ADARB2: variants seen among roughly 807,000 people sequenced by gnomAD.
ADARB2 encodes adenosine deaminase RNA specific B2 (inactive), also known as inactive double-stranded RNA-specific editase B2.
ADARB2 carries 25 observed loss-of-function variants against 62.2 expected under a neutral mutation model. That is an observed-to-expected ratio of 0.40 (90% confidence interval 0.29 to 0.56). The LOEUF is 0.56. ADARB2 is among the 20% of genes least tolerant of loss of function. ADARB2 has a pLI of 0.43. For synonymous variants in ADARB2, 572 were observed against 500.8 expected (o/e 1.14, Z -1.90); for missense variants, 1,071 against 1,077.4 (o/e 0.99, Z 0.08).
intron 1 of ADARB2, among the ~76,000 whole-genome samples, chr10:1,471,554 C>T (rs1399962526): frequency 1.3e-5 from 2 of 152,130 alleles, no homozygotes; most frequent in Admixed American, 1.3e-4. Flanking sequence ...CCATGCCTGG[C>T]TAATTTTTTT....
At position 1,434,017 on chromosome 10, in the gene ADARB2, G is replaced by A. The variant is rs191270591; in HGVS notation, c.101-54857C>T. ...TTGAACACATACTATAGAACACGGAGGCTATTTTAATATTTAGGTGCTGAT... is the reference window on the plus strand; with the variant it reads ...TTGAACACATACTATAGAACACGGAAGCTATTTTAATATTTAGGTGCTGAT... On this transcript the variant is annotated intron_variant, in intron 1 of 9. Transcript: ENST00000381312. Among the ~76,000 whole-genome samples, 9 of 152,188 alleles carry A rather than the reference G, an allele frequency of 5.9e-5. No individual in the cohort carries two copies. The East Asian group carries it at 9.6e-4, about 16-fold the overall frequency.
At chr10:1,506,849 C>T (rs1014248383) in intron 1 of ADARB2, among the ~76,000 whole-genome samples, 1 of 152,204 alleles carries the variant, frequency 6.6e-6, no homozygotes, top group African/African-American at 2.4e-5. Context: ...GTGATGGGAT[C>T]AGTGCCCTTC....
intron 1 of ADARB2, among the ~76,000 whole-genome samples, chr10:1,399,125 C>T (rs1832640629): frequency 6.6e-6 from 1 of 152,150 alleles, no homozygotes; most frequent in Admixed American, 6.5e-5. Flanking sequence ...TTGTCCATCT[C>T]CAAACACAGA....
chr10:1,706,747 C>A (rs534065905), intron 1 of ADARB2, among the ~76,000 whole-genome samples: 1 of 152,284 alleles, frequency 6.6e-6, no homozygotes, highest in East Asian at 1.9e-4. Flanking sequence ...AAAAATCTTA[C>A]TCCATTAAAT....
At chr10:1,404,321 C>A (rs962300963) in intron 1 of ADARB2, among the ~76,000 whole-genome samples, 1 of 152,172 alleles carries the variant, frequency 6.6e-6, no homozygotes, top group Non-Finnish European at 1.5e-5. Flanking sequence ...GTCTCGCAGG[C>A]CCTACCACTG....
At chr10:1,410,789 C>T (rs569891066) in intron 1 of ADARB2, among the ~76,000 whole-genome samples, 189 of 152,300 alleles carry the variant, frequency 1.2e-3, no homozygotes, top group Non-Finnish European at 2.1e-3. Flanking sequence ...GCAATTTTAC[C>T]TGCGTAAACA....
intron 1 of ADARB2, among the ~76,000 whole-genome samples, chr10:1,556,206 C>T (rs979388788): frequency 1.3e-5 from 2 of 151,964 alleles, no homozygotes; most frequent in African/African-American, 4.8e-5. Flanking sequence ...GCTTCCTTTC[C>T]TCTTCACCCC....
At chr10:1,416,883 G>A (rs1832808861) in intron 1 of ADARB2, among the ~76,000 whole-genome samples, 1 of 152,264 alleles carries the variant, frequency 6.6e-6, no homozygotes, top group Admixed American at 6.5e-5. Flanking sequence ...TCGGCCTGGG[G>A]CATGACCATC....
intron 1 of ADARB2, among the ~76,000 whole-genome samples, chr10:1,615,812 A>G (rs1244806027): frequency 3.9e-5 from 6 of 152,212 alleles, no homozygotes; most frequent in Non-Finnish European, 7.3e-5. Context: ...CCTGAATACC[A>G]CAGTCCCTCC....
intron 3 of ADARB2, among the ~76,000 whole-genome samples, chr10:1,335,021 T>C (rs897596380): frequency 6.6e-6 from 1 of 152,230 alleles, no homozygotes; most frequent in South Asian, 2.1e-4. Flanking sequence ...GTTTGGTAGC[T>C]CTGGGTTAAG....
chr10:1,406,424 C>T (rs372718685), intron 1 of ADARB2, among the ~76,000 whole-genome samples: 12 of 152,164 alleles, frequency 7.9e-5, no homozygotes, highest in Admixed American at 3.3e-4. Flanking sequence ...TGGGGGACCT[C>T]GTGGAAGGCT....
At chr10:1,591,986 C>G (rs1353946730) in intron 1 of ADARB2, among the ~76,000 whole-genome samples, 1 of 152,214 alleles carries the variant, frequency 6.6e-6, no homozygotes, top group Non-Finnish European at 1.5e-5. Context: ...CTCAGGCCCT[C>G]CTGGGCAGGG....
intron 3 of ADARB2, among the ~76,000 whole-genome samples, chr10:1,336,164 C>T (rs1312672634): frequency 1.3e-5 from 2 of 152,174 alleles, no homozygotes; most frequent in Non-Finnish European, 2.9e-5. Context: ...CTTTGGGCTT[C>T]ACTGCAGGAG....
At chr10:1,492,752 G>A (rs1281660545) in intron 1 of ADARB2, among the ~76,000 whole-genome samples, 1 of 152,068 alleles carries the variant, frequency 6.6e-6, no homozygotes, top group Non-Finnish European at 1.5e-5. Flanking sequence ...CTCACAATCA[G>A]AAGGTGGGCA....
intron 1 of ADARB2, among the ~76,000 whole-genome samples, chr10:1,605,179 C>T (rs1833479449): frequency 1.3e-5 from 2 of 152,132 alleles, no homozygotes; most frequent in Non-Finnish European, 2.9e-5. Flanking sequence ...GTGAGTCCTC[C>T]CTTCCTTCTC....
At chr10:1,378,997 G>C in intron 2 of ADARB2, 77 bp downstream of exon 2, 1 of 1,278,710 alleles carries the variant, frequency 7.8e-7, no homozygotes, top group Non-Finnish European at 1.1e-6. Context: ...GGTATCTCAG[G>C]TTTTGGGGAC....
chr10:1,486,712 T>C (rs1047249991), intron 1 of ADARB2, among the ~76,000 whole-genome samples: 7 of 152,108 alleles, frequency 4.6e-5, no homozygotes, highest in African/African-American at 1.7e-4. Context: ...GCCTCAGAAC[T>C]GAGGGTGACC....
chr10:1,384,633 C>T (rs1047357208), intron 1 of ADARB2, among the ~76,000 whole-genome samples: 4 of 152,218 alleles, frequency 2.6e-5, no homozygotes, highest in African/African-American at 7.2e-5. Context: ...CATGAGAGTG[C>T]ACCCCACAGC....
intron 3 of ADARB2, among the ~76,000 whole-genome samples, chr10:1,296,906 CG>C (rs1454105809): frequency 6.6e-6 from 1 of 152,214 alleles, no homozygotes; most frequent in Non-Finnish European, 1.5e-5. Context: ...CTAAGATGCT[CG>C]GTGCTGTCCT....
Sources: allele counts gnomAD v4.1 joint callset (sites outside exome capture counted in the v4.1 genomes callset), GRCh38; gene constraint gnomAD v4.1.1; transcripts MANE v1.5; gene names NCBI Gene and HGNC (gene_info 2026-07-23, HGNC 2026-07-21).